NSUN4: variants seen among roughly 807,000 people sequenced by gnomAD.
NSUN4 encodes the protein NOP2/Sun RNA methyltransferase 4, also known as 5-cytosine rRNA methyltransferase NSUN4.
In NSUN4, 31 loss-of-function variants were observed where a neutral mutation model predicts 43.8. That is an observed-to-expected ratio of 0.71 (90% CI 0.53 to 0.96). The LOEUF is 0.96. Among genes scored for constraint, NSUN4 ranks in the 40% least tolerant of loss-of-function variants. The pLI, the probability that NSUN4 is intolerant of heterozygous loss-of-function variation, is 0.00. For synonymous variants in NSUN4, 167 were observed against 184.1 expected (o/e 0.91, Z 0.75); for missense variants, 439 against 475.6 (o/e 0.92, Z 0.72).
chr1:46,375,472 G>A, the NSUN4 span, among the ~76,000 whole-genome samples: 5 of 150,564 alleles, frequency 3.3e-5, no homozygotes, highest in East Asian at 3.9e-4. Flanking sequence ...AATGGCTCAC[G>A]TCTGTAATCC....
intron 1 of NSUN4, 165 bp downstream of exon 1, chr1:46,341,084 C>A: frequency 8.5e-7 from 1 of 1,181,026 alleles, no homozygotes. Flanking sequence ...TCTGTCCGCA[C>A]TCTATGTCCC....
intron 1 of NSUN4, chr1:46,341,289 C>A: frequency 9.8e-7 from 1 of 1,024,558 alleles, no homozygotes; most frequent in Non-Finnish European, 1.2e-6. Flanking sequence ...ATTCTTCCCC[C>A]ACATGACTTC....
chr1:46,355,009 G>T (rs1349917055), intron 4 of NSUN4, among the ~76,000 whole-genome samples: 1 of 152,118 alleles, frequency 6.6e-6, no homozygotes, highest in African/African-American at 2.4e-5. Context: ...GGAACATGAT[G>T]GAGAGAGCAT....
chr1:46,356,841 C>T (rs1000969369), intron 4 of NSUN4, among the ~76,000 whole-genome samples: 1 of 152,176 alleles, frequency 6.6e-6, no homozygotes, highest in South Asian at 2.1e-4. Context: ...CACTAACCCC[C>T]CCATGTCACA....
chr1:46,354,185 C>T (rs1663205731), intron 4 of NSUN4, among the ~76,000 whole-genome samples: 1 of 151,938 alleles, frequency 6.6e-6, no homozygotes, highest in Admixed American at 6.6e-5. Flanking sequence ...CGGCTCACTG[C>T]AGCCTCAACC....
downstream of NSUN4, among the ~76,000 whole-genome samples, chr1:46,368,996 G>A (rs1283587552): frequency 6.6e-6 from 1 of 152,156 alleles, no homozygotes; most frequent in Non-Finnish European, 1.5e-5. Context: ...ATGCCTTGCT[G>A]CTCCCCTTTT....
rs1664049791 is a variant in NSUN4, at chr1:46,364,289, TGCCACTGCACTCCA to T, written c.*2448_*2461del. ...GGCAAGAGAGTGAGACTCCGTTTTG[TGCCACTGCACTCCA>T]GCCAGGGTGACAGAGTGAGACTCTG... On this transcript the variant is annotated 3_prime_UTR_variant, in exon 6 of 6. Transcript: ENST00000474844. 7.5e-6 allele frequency: 1 copy of T among 133,408 alleles called. No individual in the cohort carries two copies. Among genetic ancestry groups the T allele is most frequent in the African/African-American group, 2.8e-5 (1 of 35,108 alleles). 8.3% of individuals were successfully genotyped at this position (133,408 alleles called of 1,614,324 possible). A position where few individuals can be genotyped will look rare whatever the true frequency, so the allele number is the denominator to read the frequency against.
At chr1:46,345,713 T>G (rs533324195) in intron 2 of NSUN4, among the ~76,000 whole-genome samples, 1 of 152,308 alleles carries the variant, frequency 6.6e-6, no homozygotes, top group Non-Finnish European at 1.5e-5. Flanking sequence ...AGAAGTTCAG[T>G]TTCTTGATTC....
intron 2 of NSUN4, among the ~76,000 whole-genome samples, chr1:46,346,132 C>A (rs1201473880): frequency 2.3e-5 from 3 of 129,354 alleles, no homozygotes; most frequent in East Asian, 2.1e-4. Context: ...GTCTGGGCGA[C>A]AGAGCGAGAC....
downstream of NSUN4, among the ~76,000 whole-genome samples, chr1:46,367,649 A>C (rs1664165619): frequency 6.6e-6 from 1 of 152,148 alleles, no homozygotes; most frequent in African/African-American, 2.4e-5. Context: ...AGTAAGGCTA[A>C]CTCATAGGCA....
rs960114993 is a variant in NSUN4 at position 46,344,964 on chromosome 1, T to C, written c.257T>C (p.Val86Ala). Residue 86 changes from valine (V) to alanine (A), a missense_variant, in exon 2 of 6, where the codon GTA becomes GCA. By Grantham distance (64) the Val-to-Ala change is moderately conservative. Coordinates refer to ENST00000474844, the MANE Select transcript of NSUN4 (RefSeq NM_199044.4). The part of the protein sequence containing the change: ...LVNNFAAWDH[V>A]SAKLEQLSAK... ...AATAACTTTGCTGCCTGGGATCATG[T>C]AAGTGCTAAGCTGGAGCAGCTGAGT... The C allele has an allele frequency of 9.3e-6, 15 of 1,614,094 alleles. No homozygotes were observed. The highest frequency in any genetic ancestry group is 1.2e-5 in the Non-Finnish European group (14 of 1,180,038).
the NSUN4 span, among the ~76,000 whole-genome samples, chr1:46,375,613 T>C: frequency 6.6e-6 from 1 of 151,668 alleles, no homozygotes; most frequent in African/African-American, 2.4e-5. Flanking sequence ...GGTATGCACC[T>C]GTAGTCCCAG....
chr1:46,360,249 AATATATAT>A (rs773980804), intron 4 of NSUN4, among the ~76,000 whole-genome samples: 658 of 25,656 alleles, frequency 0.026, 39 homozygotes, highest in East Asian at 0.059. Flanking sequence ...AAAAAAAAAA[AATATATAT>A]ATATATATAT....
chr1:46,350,169 T>A (rs1025992651), intron 3 of NSUN4, among the ~76,000 whole-genome samples: 1 of 152,192 alleles, frequency 6.6e-6, no homozygotes, highest in African/African-American at 2.4e-5. Context: ...TTTTTCTCAG[T>A]TCATATCCTT....
chr1:46,362,080 T>G lies in NSUN4; in HGVS notation c.*234T>G. 7.9e-5 allele frequency: 41 copies of G among 521,120 alleles called. No homozygotes were observed. The highest frequency in any genetic ancestry group is 7.5e-5 in the Non-Finnish European group (22 of 291,894). The allele number at this position is 521,120 out of a possible 1,614,324, so 32.3% of individuals were successfully genotyped here. On this transcript the variant is annotated 3_prime_UTR_variant, in exon 6 of 6. Transcript: ENST00000474844. The stretch of plus-strand genomic sequence containing the variant: ...AACCCCTACCCCATCTCCAGGCCTG[T>G]ACTAAAGTTTGCTGCCCGCTTAGGG...
In NSUN4 at chr1:46,346,906, T is replaced by C. The variant is rs1662544653; in HGVS notation, c.438-15T>C. 1.9e-6 allele frequency: 3 copies of C among 1,608,794 alleles called. No homozygotes were observed. Among genetic ancestry groups the C allele is most frequent in the Non-Finnish European group, 1.7e-6 (2 of 1,177,240 alleles). On this transcript the variant is annotated splice_polypyrimidine_tract_variant and intron_variant, in intron 2 of 5. Coordinates refer to ENST00000474844, the MANE Select transcript of NSUN4 (RefSeq NM_199044.4). ...GACCTGGAATTTAACAATAAAGTGG[T>C]CTCCTCTTTTCCAGACCTGGCAGCC...
chr1:46,356,370 C>T (rs866683468), intron 4 of NSUN4, among the ~76,000 whole-genome samples: 3 of 149,922 alleles, frequency 2.0e-5, no homozygotes, highest in Admixed American at 2.0e-4. Flanking sequence ...CGTGCCCAGC[C>T]GTGTTAAGCA....
intron 4 of NSUN4, among the ~76,000 whole-genome samples, chr1:46,357,275 G>T (rs1157543299): frequency 6.6e-6 from 1 of 152,166 alleles, no homozygotes; most frequent in Non-Finnish European, 1.5e-5. Context: ...TGCTTCCTGG[G>T]CTCAAGCAAT....
At chr1:46,385,034 T>C in the NSUN4 span, among the ~76,000 whole-genome samples, 2 of 152,264 alleles carry the variant, frequency 1.3e-5, no homozygotes, top group African/African-American at 4.8e-5. Flanking sequence ...TGAGAAATTT[T>C]CTTTAGCACC....
Sources: gnomAD v4.1 joint callset for allele counts (sites outside exome capture counted in the v4.1 genomes callset) on GRCh38, gnomAD v4.1.1 for gene constraint, MANE v1.5 for transcripts, NCBI Gene and HGNC (gene_info 2026-07-23, HGNC 2026-07-21) for gene names.